Variants in STK32A observed in about 807,000 individuals in gnomAD.
STK32A encodes serine/threonine-protein kinase 32A.
Under a neutral mutation model 53.2 loss-of-function variants are expected in STK32A, and 41 were observed. That is an observed-to-expected ratio of 0.77 (90% CI 0.60 to 1.00). STK32A has a LOEUF of 1.00. STK32A is among the 50% of genes least tolerant of loss of function. The pLI is 0.00. For synonymous variants in STK32A, 166 were observed against 162.8 expected (o/e 1.02, Z -0.15); for missense variants, 458 against 485.8 (o/e 0.94, Z 0.54).
At chr5:147,322,938 G>T (rs574208513) in intron 4 of STK32A, among the ~76,000 whole-genome samples, 9 of 152,094 alleles carry the variant, frequency 5.9e-5, no homozygotes, top group Admixed American at 2.0e-4. Flanking sequence ...GGATTCTGCC[G>T]CCTTCTCCAG....
chr5:147,324,163 T>A lies in STK32A; in HGVS notation c.434+92T>A, dbSNP rs74909341. 11,288 of 1,255,736 alleles carry A rather than the reference T, an allele frequency of 9.0e-3. 849 individuals carry two copies. In the East Asian group the frequency reaches 0.19, roughly 21 times the overall value. 77.8% of individuals were successfully genotyped at this position (1,255,736 alleles called of 1,614,324 possible). On this transcript the variant is annotated intron_variant, in intron 5 of 12. Coordinates refer to ENST00000397936, the MANE Select transcript of STK32A (RefSeq NM_001112724.2). ...CAATAAATTCTTATTGAACATGACA[T>A]TTAATCCCCGTTTAATTCTTGAAAC... is the stretch of plus-strand genomic sequence containing the variant.
At chr5:147,281,439 A>G (rs745599559) in intron 4 of STK32A, among the ~76,000 whole-genome samples, 1 of 152,200 alleles carries the variant, frequency 6.6e-6, no homozygotes, top group Non-Finnish European at 1.5e-5. Flanking sequence ...AACTTTAGAC[A>G]CACTTTAAAA....
intron 8 of STK32A, among the ~76,000 whole-genome samples, chr5:147,370,208 T>C (rs893756635): frequency 1.3e-5 from 2 of 152,142 alleles, no homozygotes; most frequent in Non-Finnish European, 2.9e-5. Context: ...CTCATTATGT[T>C]GCAGTGAAAG....
intron 4 of STK32A, among the ~76,000 whole-genome samples, chr5:147,290,715 C>G (rs997671029): frequency 1.2e-4 from 18 of 152,288 alleles, no homozygotes; most frequent in African/African-American, 2.4e-4. Context: ...GAGAGTGTGA[C>G]AAGGTCCTTT....
intron 8 of STK32A, among the ~76,000 whole-genome samples, chr5:147,370,016 T>A (rs778129833): frequency 6.6e-6 from 1 of 152,152 alleles, no homozygotes; most frequent in Non-Finnish European, 1.5e-5. Context: ...CTTTTCTTTT[T>A]AAATTACTTT....
At chr5:147,393,371 G>A in the STK32A span, 1 of 152,370 alleles carries the variant, frequency 6.6e-6, no homozygotes, top group Non-Finnish European at 1.5e-5. Flanking sequence ...GGAAGAAATG[G>A]TTGGGTCTTG....
At chr5:147,369,136 A>G (rs1756896996) in intron 8 of STK32A, among the ~76,000 whole-genome samples, 1 of 152,160 alleles carries the variant, frequency 6.6e-6, no homozygotes, top group Admixed American at 6.6e-5. Flanking sequence ...TATTTCTACT[A>G]TATAATTACC....
At position 147,269,157 on chromosome 5, in the gene STK32A, G is replaced by A. The variant is rs566925646; in HGVS notation, c.53-8967G>A. On this transcript the variant is annotated intron_variant, in intron 2 of 12. Transcript: ENST00000397936. The stretch of plus-strand genomic sequence containing the variant: ...ATAGTAATACTGTTTCAGAGTTGGC[G>A]CAAAATTAGGATAATATATGTAACA... Among the ~76,000 whole-genome samples the A allele has an allele frequency of 1.4e-4, 22 of 152,172 alleles. No homozygotes were observed. The South Asian group carries it at 1.5e-3, about 10-fold the overall frequency.
chr5:147,304,526 C>T (rs923448676), intron 4 of STK32A, among the ~76,000 whole-genome samples: 1 of 152,072 alleles, frequency 6.6e-6, no homozygotes, highest in African/African-American at 2.4e-5. Context: ...GAATCACTGG[C>T]TGTTAGATGC....
At chr5:147,315,757 AATACAAGAAG>A (rs1338206730) in intron 4 of STK32A, among the ~76,000 whole-genome samples, 2 of 152,202 alleles carry the variant, frequency 1.3e-5, no homozygotes, top group Non-Finnish European at 1.5e-5. Flanking sequence ...AATAGAAAAA[AATACAAGAAG>A]TTACCAGTGG....
At chr5:147,281,862 C>T (rs1199426303) in intron 4 of STK32A, among the ~76,000 whole-genome samples, 1 of 152,128 alleles carries the variant, frequency 6.6e-6, no homozygotes, top group African/African-American at 2.4e-5. Flanking sequence ...GAGACAGAAG[C>T]ACCAGGAAAC....
At chr5:147,400,893 T>C in the STK32A span, 1 of 1,581,298 alleles carries the variant, frequency 6.3e-7, no homozygotes, top group Non-Finnish European at 8.6e-7. Context: ...CACTGGGAGC[T>C]TAGAGTCTTG....
downstream of STK32A, chr5:147,391,037 G>A (rs1378416821): frequency 6.5e-6 from 1 of 152,698 alleles, no homozygotes; most frequent in Non-Finnish European, 1.5e-5. Flanking sequence ...TTTCAAAGAG[G>A]GAACTTACAA....
At chr5:147,242,894 A>T (rs924792267) in intron 2 of STK32A, among the ~76,000 whole-genome samples, 4 of 152,160 alleles carry the variant, frequency 2.6e-5, no homozygotes, top group Admixed American at 2.0e-4. Context: ...ATTGTATCTG[A>T]TTGCTGTGAA....
chr5:147,268,828 TG>T (rs1363398537), intron 2 of STK32A, among the ~76,000 whole-genome samples: 3 of 152,174 alleles, frequency 2.0e-5, no homozygotes, highest in African/African-American at 7.2e-5. Context: ...AAGTGGTTGA[TG>T]GGATCTGAGT....
chr5:147,396,976 T>A, the STK32A span, among the ~76,000 whole-genome samples: 1 of 148,092 alleles, frequency 6.8e-6, no homozygotes, highest in Non-Finnish European at 1.5e-5. Context: ...TTAATTATAT[T>A]TATTGTATTG....
At chr5:147,267,139 C>T (rs1288983833) in intron 2 of STK32A, among the ~76,000 whole-genome samples, 1 of 151,950 alleles carries the variant, frequency 6.6e-6, no homozygotes, top group Non-Finnish European at 1.5e-5. Flanking sequence ...TTATTGAGTT[C>T]CTATTCTCTG....
Position 147,299,746 on chromosome 5 carries a change from C to T in STK32A, c.260+20348C>T, listed in dbSNP as rs369246983. Among the ~76,000 whole-genome samples, 8 of 152,186 alleles carry T rather than the reference C, an allele frequency of 5.3e-5. No homozygotes were observed. The East Asian group carries it at 5.8e-4, about 11-fold the overall frequency. ...AACAGCAGCGACAAGTGGGTTTCTA[C>T]GGAAAAAAGAAGAGGCAGTTTCTAA... On this transcript the variant is annotated intron_variant, in intron 4 of 12. Transcript: ENST00000397936.
intron 7 of STK32A, among the ~76,000 whole-genome samples, chr5:147,353,987 C>A (rs534928843): frequency 1.4e-5 from 2 of 142,644 alleles, no homozygotes; most frequent in Non-Finnish European, 3.0e-5. Flanking sequence ...ATATTTCATT[C>A]TCTTCCCCCA....
Sources: gnomAD v4.1 joint callset for allele counts (sites outside exome capture counted in the v4.1 genomes callset) on GRCh38, gnomAD v4.1.1 for gene constraint, MANE v1.5 for transcripts, NCBI Gene and HGNC (gene_info 2026-07-23, HGNC 2026-07-21) for gene names.